ZBTB20: variants seen among roughly 807,000 people sequenced by gnomAD.
The protein encoded by ZBTB20 is zinc finger and BTB domain-containing protein 20.
Under a neutral mutation model 56.9 loss-of-function variants are expected in ZBTB20, and 9 were observed. The observed-to-expected ratio is 0.16, with a 90% CI of 0.10 to 0.28. ZBTB20 has a LOEUF of 0.28. Among genes scored for constraint, ZBTB20 ranks in the 10% least tolerant of loss-of-function variants. ZBTB20 has a pLI of 1.00. For synonymous variants in ZBTB20, 417 were observed against 420.7 expected, an observed-to-expected ratio of 0.99 and a Z score of 0.11; for missense variants, 655 against 1,003.0, an observed-to-expected ratio of 0.65 and a Z score of 4.69.
intron 1 of ZBTB20, among the ~76,000 whole-genome samples, chr3:115,098,451 A>G (rs1294205858): frequency 2.0e-5 from 3 of 152,146 alleles, no homozygotes; most frequent in African/African-American, 4.8e-5. Flanking sequence ...GTATATGAAA[A>G]ACAAAATTAT....
chr3:114,868,325 C>G (rs2075854222), intron 4 of ZBTB20, among the ~76,000 whole-genome samples: 1 of 152,128 alleles, frequency 6.6e-6, no homozygotes, highest in Non-Finnish European at 1.5e-5. Context: ...GGATAAAAAG[C>G]CAGGAACTCC....
intron 1 of ZBTB20, among the ~76,000 whole-genome samples, chr3:115,084,213 A>T (rs1251567608): frequency 2.0e-5 from 3 of 151,050 alleles, no homozygotes; most frequent in African/African-American, 7.3e-5. Context: ...GTAAGTAGCA[A>T]CTGTCACAGT....
intron 7 of ZBTB20, among the ~76,000 whole-genome samples, chr3:114,407,182 T>A (rs2108745167): frequency 6.6e-6 from 1 of 152,302 alleles, no homozygotes. Context: ...CTAATGTGCT[T>A]TGGATTAGAA....
intron 7 of ZBTB20, among the ~76,000 whole-genome samples, chr3:114,398,393 C>T (rs1437814643): frequency 6.6e-6 from 1 of 152,038 alleles, no homozygotes; most frequent in Non-Finnish European, 1.5e-5. Flanking sequence ...TGGTTTAAAA[C>T]CCAATTTCTG....
chr3:114,870,787 T>G (rs1178496387), intron 4 of ZBTB20, among the ~76,000 whole-genome samples: 1 of 152,068 alleles, frequency 6.6e-6, no homozygotes, highest in Non-Finnish European at 1.5e-5. Context: ...GACAACCACT[T>G]TGCATCAAAA....
chr3:115,001,445 C>G (rs2079243415), intron 2 of ZBTB20, among the ~76,000 whole-genome samples: 1 of 150,956 alleles, frequency 6.6e-6, no homozygotes, highest in Non-Finnish European at 1.5e-5. Flanking sequence ...AAATGGGGAG[C>G]TTTTTTTAAA....
intron 6 of ZBTB20, among the ~76,000 whole-genome samples, chr3:114,613,849 G>A (rs1228042120): frequency 6.6e-6 from 1 of 152,090 alleles, no homozygotes; most frequent in East Asian, 1.9e-4. Context: ...TGATGAGGAG[G>A]ATGATAATGG....
rs1163593402 is a variant in ZBTB20 at position 114,324,542 on chromosome 3, A to C, written c.*14463T>G. 1 of 152,054 alleles carries C rather than the reference A, an allele frequency of 6.6e-6. No homozygotes were observed. Among genetic ancestry groups the C allele is most frequent in the Admixed American group, 6.6e-5 (1 of 15,256 alleles). The allele number at this position is 152,054 out of a possible 1,614,324, so 9.4% of individuals were successfully genotyped here. A position where few individuals can be genotyped will look rare whatever the true frequency, so the allele number is the denominator to read the frequency against. On this transcript the variant is annotated 3_prime_UTR_variant, in exon 12 of 12. Coordinates refer to ENST00000675478, the MANE Select transcript of ZBTB20 (RefSeq NM_001348800.3). Reference sequence around the variant, plus strand: ...CATAAATACAGATATACATACACATACACAGAAATTCTCAAGGCCCCTCTC... The same window carrying C: ...CATAAATACAGATATACATACACATCCACAGAAATTCTCAAGGCCCCTCTC...
At chr3:114,936,233 T>C (rs2076529905) in intron 3 of ZBTB20, among the ~76,000 whole-genome samples, 1 of 152,204 alleles carries the variant, frequency 6.6e-6, no homozygotes, top group Non-Finnish European at 1.5e-5. Context: ...GGAAAAACAC[T>C]GCAAACTCAT....
chr3:114,718,153 GAACT>G (rs965818918), intron 5 of ZBTB20, among the ~76,000 whole-genome samples: 3 of 151,992 alleles, frequency 2.0e-5, no homozygotes, highest in African/African-American at 7.2e-5. Flanking sequence ...CAAAATTTAT[GAACT>G]ACTTTTGAAA....
intron 7 of ZBTB20, among the ~76,000 whole-genome samples, chr3:114,450,992 A>G (rs2091574299): frequency 6.6e-6 from 1 of 152,066 alleles, no homozygotes; most frequent in African/African-American, 2.4e-5. Context: ...TCTTCCTTGA[A>G]TATCCCTAAG....
chr3:114,352,447 C>T (rs2080774439), intron 10 of ZBTB20, among the ~76,000 whole-genome samples: 1 of 152,152 alleles, frequency 6.6e-6, no homozygotes, highest in Non-Finnish European at 1.5e-5. Context: ...TCAAAACCCA[C>T]ACCATGTATG....
At chr3:114,805,347 CT>C (rs910010792) in intron 4 of ZBTB20, among the ~76,000 whole-genome samples, 7 of 151,980 alleles carry the variant, frequency 4.6e-5, no homozygotes, top group African/African-American at 1.7e-4. Context: ...GTGATAACTT[CT>C]TGGTCATTCC....
intron 4 of ZBTB20, among the ~76,000 whole-genome samples, chr3:114,829,026 C>G (rs932547069): frequency 2.0e-5 from 3 of 151,772 alleles, no homozygotes; most frequent in African/African-American, 7.2e-5. Flanking sequence ...GGATTGCAAC[C>G]AGTGTGAAAA....
At chr3:114,355,841 AAC>A (rs1009232151) in intron 10 of ZBTB20, among the ~76,000 whole-genome samples, 4 of 151,090 alleles carry the variant, frequency 2.6e-5, no homozygotes, top group Non-Finnish European at 4.4e-5. Flanking sequence ...AGAAAAAAAA[AAC>A]ACACACACAC....
intron 7 of ZBTB20, among the ~76,000 whole-genome samples, chr3:114,431,692 C>T (rs2090135467): frequency 6.6e-6 from 1 of 152,076 alleles, no homozygotes; most frequent in African/African-American, 2.4e-5. Context: ...ACTCATACCC[C>T]AATATTAATG....
chr3:114,553,567 T>C (rs534861147), intron 6 of ZBTB20, among the ~76,000 whole-genome samples: 134 of 152,322 alleles, frequency 8.8e-4, no homozygotes, highest in Non-Finnish European at 1.5e-3. Context: ...GTCCAGTTTA[T>C]ATTAGTTAAA....
At chr3:114,809,406 C>T (rs1005559447) in intron 4 of ZBTB20, among the ~76,000 whole-genome samples, 1 of 151,924 alleles carries the variant, frequency 6.6e-6, no homozygotes, top group Non-Finnish European at 1.5e-5. Flanking sequence ...ATTAATTGAT[C>T]TTCAATCTCA....
At chr3:114,611,771 T>C (rs201479088) in intron 6 of ZBTB20, among the ~76,000 whole-genome samples, 61 of 152,296 alleles carry the variant, frequency 4.0e-4, no homozygotes, top group African/African-American at 1.4e-3. Flanking sequence ...TGCCCCTCAG[T>C]TGGCATCTCT....
Sources: allele counts gnomAD v4.1 joint callset (sites outside exome capture counted in the v4.1 genomes callset), GRCh38; gene constraint gnomAD v4.1.1; transcripts MANE v1.5; gene names NCBI Gene and HGNC (gene_info 2026-07-23, HGNC 2026-07-21).